The following PDGFRA variants were observed in gnomAD, a reference collection of about 807,000 sequenced individuals.
PDGFRA encodes the protein platelet derived growth factor receptor alpha.
Under a neutral mutation model 121.5 loss-of-function variants are expected in PDGFRA, and 25 were observed. That is an observed-to-expected ratio of 0.21 (90% confidence interval 0.15 to 0.29). The LOEUF is 0.29. Ranked by LOEUF, PDGFRA falls within the 10% of genes least tolerant of loss-of-function variation. PDGFRA has a pLI of 1.00. For synonymous variants in PDGFRA, 463 were observed against 494.8 expected (o/e 0.94, Z 0.85); for missense variants, 1,008 against 1,345.1 (o/e 0.75, Z 3.92).
chr4:54,247,797 T>C (rs868514386), intron 1 of PDGFRA, among the ~76,000 whole-genome samples: 107 of 152,300 alleles, frequency 7.0e-4, no homozygotes, highest in Middle Eastern at 6.8e-3. Context: ...TGTTTGCGGA[T>C]GACATGATTG....
chr4:54,273,642 C>T lies in PDGFRA; in HGVS notation c.1470C>T (p.Phe490=), dbSNP rs766458562. ...GTACCGTGGAGGGCCGTGTGACTTT[C>T]GCCAAAGTGGAGGAGACCATCGCCG... ...DRSTVEGRVT[F]AKVEETIAVR... Residue 490 remains phenylalanine (F), a synonymous_variant, in exon 10 of 23, where the codon TTC becomes TTT. Coordinates refer to ENST00000257290, the MANE Select transcript of PDGFRA (RefSeq NM_006206.6). 41 of 1,613,944 alleles carry T rather than the reference C, an allele frequency of 2.5e-5. No individual in the cohort carries two copies. Among genetic ancestry groups the T allele is most frequent in the East Asian group, 8.9e-5 (4 of 44,888 alleles).
In PDGFRA at chr4:54,295,913, T is replaced by C. The variant is rs1300443986; in HGVS notation, c.*641T>C. The C allele has an allele frequency of 4.3e-6, 1 of 234,264 alleles. No homozygotes were observed. Among genetic ancestry groups the C allele is most frequent in the Non-Finnish European group, 8.4e-6 (1 of 118,708 alleles). The allele number at this position is 234,264 out of a possible 1,614,324, so 14.5% of individuals were successfully genotyped here. ...AGAAGCCTGACAACTCATTTTCATATTGTAATCTATGTTTATAATACTACT... is the reference window on the plus strand; with the variant it reads ...AGAAGCCTGACAACTCATTTTCATACTGTAATCTATGTTTATAATACTACT... On this transcript the variant is annotated 3_prime_UTR_variant, in exon 23 of 23. Transcript: ENST00000257290.
chr4:54,280,425 G>A lies in PDGFRA; in HGVS notation c.2266G>A (p.Asp756Asn), dbSNP rs555347387. Residue 756 changes from aspartate to asparagine, a missense_variant, in exon 16 of 23, where the codon GAC becomes AAC. Asp to Asn is a conservative substitution (Grantham distance 23). Around this residue, in one of 5 missense-constraint regions of PDGFRA, gnomAD observed 128 missense variants for 147.6 expected, o/e 0.87. Coordinates refer to ENST00000257290, the MANE Select transcript of PDGFRA (RefSeq NM_006206.6). Reference protein sequence around the residue: ...LERKEVSKYSDIQRSLYDRPA... With the variant: ...LERKEVSKYSNIQRSLYDRPA... Reference sequence around the variant, plus strand: ...AAGGAAAGAGGTTTCTAAATATTCCGACATCCAGAGATCACTCTATGATCG... The same window carrying A: ...AAGGAAAGAGGTTTCTAAATATTCCAACATCCAGAGATCACTCTATGATCG... 31 of 1,613,632 alleles carry A rather than the reference G, an allele frequency of 1.9e-5. No homozygotes were observed. In the East Asian group the frequency reaches 3.1e-4, roughly 16 times the overall value.
intron 1 of PDGFRA, among the ~76,000 whole-genome samples, chr4:54,234,173 G>A (rs942330879): frequency 6.6e-6 from 1 of 152,208 alleles, no homozygotes; most frequent in Non-Finnish European, 1.5e-5. Context: ...CGGTGATGGG[G>A]ATGATGATGG....
Position 54,272,375 on chromosome 4 carries a change from T to G in PDGFRA, c.1238-19T>G. ...GGGACACGAGCTATTCCATTCTGAC[T>G]TCTTTCTGCCTCTTGCAGTTCCTTC... is the stretch of plus-strand genomic sequence containing the variant. On this transcript the variant is annotated intron_variant, in intron 8 of 22. Transcript: ENST00000257290. The G allele has an allele frequency of 1.9e-6, 3 of 1,613,866 alleles. No homozygotes were observed. The highest frequency in any genetic ancestry group is 2.5e-6 in the Non-Finnish European group (3 of 1,179,900).
chr4:54,261,933 T>A (rs1907818), intron 3 of PDGFRA, among the ~76,000 whole-genome samples: 446 of 55,356 alleles, frequency 8.1e-3, no homozygotes, highest in Admixed American at 0.015. Flanking sequence ...ATATATATAT[T>A]TTTTTTTTTT....
In PDGFRA at chr4:54,261,282, C is replaced by T. The variant is rs779673032; in HGVS notation, c.237C>T (p.Gly79=). 1 of 1,614,136 alleles carries T rather than the reference C, an allele frequency of 6.2e-7. No homozygotes were observed. Among genetic ancestry groups the T allele is most frequent in the Non-Finnish European group, 8.5e-7 (1 of 1,180,028 alleles). The change falls in exon 3 of 23, where the codon GGC becomes GGT. Residue 79 remains glycine (G), a synonymous_variant. Transcript: ENST00000257290. ...TCAGAAATGAAGAAAACAACAGCGG[C>T]CTTTTTGTGACGGTCTTGGAAGTGA... ...VEIRNEENNS[G]LFVTVLEVSS...
At chr4:54,280,569 G>C (rs1724022626) in intron 16 of PDGFRA, 87 bp downstream of exon 16, 1 of 1,108,070 alleles carries the variant, frequency 9.0e-7, no homozygotes, top group East Asian at 2.5e-5. Flanking sequence ...AGTGTATAGG[G>C]ATGGTAAGTG....
rs186444418 is a variant in PDGFRA at position 54,254,933 on chromosome 4, T to C, written c.-12-3824T>C. ...CAGAGAGGGAAAAGGGAAGGGAGGGTTGTGTAATTTGCCCTAGGAAATTGT... is the reference window on the plus strand; with the variant it reads ...CAGAGAGGGAAAAGGGAAGGGAGGGCTGTGTAATTTGCCCTAGGAAATTGT... On this transcript the variant is annotated intron_variant, in intron 1 of 22. Transcript: ENST00000257290. Among the ~76,000 whole-genome samples, 105 of 152,146 alleles carry C rather than the reference T, an allele frequency of 6.9e-4. 1 individual carries two copies. The highest frequency in any genetic ancestry group is 2.4e-3 in the African/African-American group (101 of 41,482).
rs1724004363 is a variant in PDGFRA at position 54,280,366 on chromosome 4, A to C, written c.2207A>C (p.Gln736Pro). 3 of 1,613,120 alleles carry C rather than the reference A, an allele frequency of 1.9e-6. No individual in the cohort carries two copies. Residue 736 changes from glutamine to proline, a missense_variant, in exon 16 of 23, where the codon CAG becomes CCG. Transcript: ENST00000257290. ...ENNGDYMDMK[Q>P]ADTTQYVPML... ...AATGGTGACTACATGGACATGAAGCAGGCTGATACTACACAGTATGTCCCC... is the reference window on the plus strand; with the variant it reads ...AATGGTGACTACATGGACATGAAGCCGGCTGATACTACACAGTATGTCCCC...
chr4:54,292,705 G>T (rs1297473870), intron 22 of PDGFRA, among the ~76,000 whole-genome samples: 1 of 152,096 alleles, frequency 6.6e-6, no homozygotes, highest in Non-Finnish European at 1.5e-5. Context: ...ATTAAAAAAA[G>T]AACAAGATCA....
chr4:54,286,128 C>A (rs191482642), intron 18 of PDGFRA, among the ~76,000 whole-genome samples, 165 bp downstream of exon 18: 2 of 152,134 alleles, frequency 1.3e-5, no homozygotes, highest in Non-Finnish European at 2.9e-5. Flanking sequence ...TGAGTGCCAG[C>A]TCCACCACTT....
At chr4:54,274,045 T>C (rs749176508) in intron 10 of PDGFRA, among the ~76,000 whole-genome samples, 6 of 152,228 alleles carry the variant, frequency 3.9e-5, no homozygotes, top group Non-Finnish European at 8.8e-5. Context: ...TGTCTAATAA[T>C]ATAGCTACAG....
At chr4:54,255,780 C>T (rs1465239329) in intron 1 of PDGFRA, among the ~76,000 whole-genome samples, 2 of 152,196 alleles carry the variant, frequency 1.3e-5, no homozygotes, top group East Asian at 1.9e-4. Flanking sequence ...GCTGGGATTA[C>T]AGGCGTGAGC....
In PDGFRA at chr4:54,284,169, C is replaced by T. The variant is rs1397628900; in HGVS notation, c.2324-1202C>T. 2.0e-5 allele frequency among the ~76,000 whole-genome samples: 3 copies of T among 152,312 alleles called. No individual in the cohort carries two copies. In the East Asian group the frequency reaches 5.8e-4, roughly 29 times the overall value. On this transcript the variant is annotated intron_variant, in intron 16 of 22. Coordinates refer to ENST00000257290, the MANE Select transcript of PDGFRA (RefSeq NM_006206.6). ...ATAAGTTCTTCATTTTCATCCGAGACCTTGGCAGCCTGGATTTCATTGTCC... is the reference window on the plus strand; with the variant it reads ...ATAAGTTCTTCATTTTCATCCGAGATCTTGGCAGCCTGGATTTCATTGTCC...
At chr4:54,233,132 C>T (rs2110167513) in intron 1 of PDGFRA, among the ~76,000 whole-genome samples, 1 of 151,530 alleles carries the variant, frequency 6.6e-6, no homozygotes, top group South Asian at 2.1e-4. Context: ...GAGCGTCGTG[C>T]CTGGGGCGCA....
At chr4:54,239,482 C>T (rs1721181621) in intron 1 of PDGFRA, among the ~76,000 whole-genome samples, 1 of 152,202 alleles carries the variant, frequency 6.6e-6, no homozygotes, top group African/African-American at 2.4e-5. Context: ...TGAGTTCCAC[C>T]CTATGACATC....
chr4:54,238,913 C>T (rs945802036), intron 1 of PDGFRA, among the ~76,000 whole-genome samples: 12 of 152,060 alleles, frequency 7.9e-5, no homozygotes, highest in African/African-American at 2.4e-4. Context: ...ATGGAGGCTG[C>T]GGTGAGCTGA....
chr4:54,246,838 A>G (rs1577684174), intron 1 of PDGFRA, among the ~76,000 whole-genome samples: 1 of 150,752 alleles, frequency 6.6e-6, no homozygotes, highest in Admixed American at 6.6e-5. Context: ...ATAAAGAAGA[A>G]AAGAGAGAAG....
Sources: gnomAD v4.1 joint callset for allele counts (sites outside exome capture counted in the v4.1 genomes callset) on GRCh38, gnomAD v4.1.1 for gene constraint, gnomAD v4.1.1 regional missense constraint, MANE v1.5 for transcripts, NCBI Gene and HGNC (gene_info 2026-07-23, HGNC 2026-07-21) for gene names.